Variants in SYT9 observed in about 807,000 individuals in gnomAD.
SYT9 encodes synaptotagmin-9.
In SYT9, 22 loss-of-function variants were observed where a neutral mutation model predicts 48.4. The ratio of observed to expected loss-of-function variants is 0.45; its 90% confidence interval spans 0.32 to 0.65. The LOEUF (loss-of-function observed/expected upper bound fraction) is 0.65, where lower values mean the gene tolerates loss of function less well. Ranked by LOEUF, SYT9 falls within the 30% of genes least tolerant of loss-of-function variation. SYT9 has a pLI of 0.03. For synonymous variants in SYT9, 265 were observed against 245.0 expected (o/e 1.08, Z -0.76); for missense variants, 577 against 622.0 (o/e 0.93, Z 0.77).
chr11:7,356,990 A>G (rs12800586), intron 3 of SYT9, among the ~76,000 whole-genome samples: 22,881 of 152,160 alleles, frequency 0.15, 1,908 homozygotes, highest in South Asian at 0.23. Context: ...AAAAAATACA[A>G]GATACTCAAG....
At chr11:7,354,839 A>G (rs896181420) in intron 3 of SYT9, among the ~76,000 whole-genome samples, 1 of 152,082 alleles carries the variant, frequency 6.6e-6, no homozygotes, top group Non-Finnish European at 1.5e-5. Context: ...TCCCAAGCAC[A>G]GTGATATTGC....
At chr11:7,285,284 A>T (rs547214344) in intron 1 of SYT9, among the ~76,000 whole-genome samples, 7 of 152,358 alleles carry the variant, frequency 4.6e-5, no homozygotes, top group African/African-American at 1.7e-4. Context: ...CAGGAAACTT[A>T]CAATCATGGC....
At chr11:7,442,325 T>C (rs12293035) in intron 6 of SYT9, among the ~76,000 whole-genome samples, 3,042 of 152,214 alleles carry the variant, frequency 0.02, 95 homozygotes, top group African/African-American at 0.069. Flanking sequence ...GTGGCCTGCT[T>C]TTGGCTCTCT....
At chr11:7,364,543 T>C (rs1277799058) in intron 3 of SYT9, among the ~76,000 whole-genome samples, 5 of 152,234 alleles carry the variant, frequency 3.3e-5, no homozygotes, top group Non-Finnish European at 5.9e-5. Flanking sequence ...GCCATGCAGA[T>C]GGCAGAGCTG....
intron 5 of SYT9, among the ~76,000 whole-genome samples, chr11:7,418,402 C>G (rs954535655): frequency 1.3e-5 from 2 of 152,188 alleles, no homozygotes; most frequent in African/African-American, 4.8e-5. Context: ...CACCTCTTCC[C>G]CTTTTCATCT....
intron 3 of SYT9, among the ~76,000 whole-genome samples, chr11:7,338,127 A>G (rs894109883): frequency 6.6e-6 from 1 of 152,106 alleles, no homozygotes; most frequent in Non-Finnish European, 1.5e-5. Flanking sequence ...TATCTCTTCT[A>G]GGTTTTTAAA....
chr11:7,415,245 T>C (rs531949270), intron 3 of SYT9, among the ~76,000 whole-genome samples: 6 of 152,202 alleles, frequency 3.9e-5, no homozygotes, highest in Admixed American at 2.6e-4. Flanking sequence ...ACTAGGCGAG[T>C]ACTTGGCTGT....
At chr11:7,452,577 T>C (rs1312111475) in intron 6 of SYT9, among the ~76,000 whole-genome samples, 1 of 152,228 alleles carries the variant, frequency 6.6e-6, no homozygotes, top group Non-Finnish European at 1.5e-5. Flanking sequence ...TTAGGACAGC[T>C]CTGAACGTCC....
chr11:7,390,875 A>G (rs570257148), intron 3 of SYT9, among the ~76,000 whole-genome samples: 19 of 152,080 alleles, frequency 1.2e-4, no homozygotes, highest in African/African-American at 4.6e-4. Context: ...GTTTGTTACG[A>G]GGGTGTGTTG....
chr11:7,421,655 C>T (rs1426045770), intron 6 of SYT9, among the ~76,000 whole-genome samples: 1 of 151,900 alleles, frequency 6.6e-6, no homozygotes, highest in Non-Finnish European at 1.5e-5. Context: ...CTCATTGATT[C>T]ACTCTCTTAT....
chr11:7,440,830 A>C (rs1341531054), intron 6 of SYT9: 3 of 152,246 alleles, frequency 2.0e-5, no homozygotes, highest in Non-Finnish European at 4.4e-5. Flanking sequence ...TATGTTGCTT[A>C]GCGACTGATC....
At chr11:7,258,921 A>T (rs1242247411) in intron 1 of SYT9, among the ~76,000 whole-genome samples, 1 of 152,102 alleles carries the variant, frequency 6.6e-6, no homozygotes, top group Non-Finnish European at 1.5e-5. Flanking sequence ...GTGTTCCTGG[A>T]CAAGTTATTT....
At chr11:7,253,888 A>G (rs1847917801) in intron 1 of SYT9, among the ~76,000 whole-genome samples, 3 of 152,212 alleles carry the variant, frequency 2.0e-5, no homozygotes, top group Admixed American at 2.0e-4. Context: ...TGCCCAAAGC[A>G]AGTATTAGTA....
rs188954568 is a variant in SYT9 at position 7,468,496 on chromosome 11, C to T, written c.*1696C>T. 5.1e-6 allele frequency: 2 copies of T among 394,382 alleles called. No homozygotes were observed. Among genetic ancestry groups the T allele is most frequent in the Non-Finnish European group, 8.9e-6 (2 of 223,728 alleles). The allele number at this position is 394,382 out of a possible 1,614,324, so 24.4% of individuals were successfully genotyped here. A position where few individuals can be genotyped will look rare whatever the true frequency, so the allele number is the denominator to read the frequency against. On this transcript the variant is annotated 3_prime_UTR_variant, in exon 7 of 7. Coordinates refer to ENST00000318881, the MANE Select transcript of SYT9 (RefSeq NM_175733.4). ...GGCTTCCTCTGCTCAAGGTTCCCCTCTGCTCATCCCTCCTCATTCAGACAT... is the reference window on the plus strand; with the variant it reads ...GGCTTCCTCTGCTCAAGGTTCCCCTTTGCTCATCCCTCCTCATTCAGACAT...
chr11:7,403,293 C>G (rs969965825), intron 3 of SYT9, among the ~76,000 whole-genome samples: 1 of 152,178 alleles, frequency 6.6e-6, no homozygotes, highest in Non-Finnish European at 1.5e-5. Context: ...GGCACAGTGG[C>G]TCATGCCTGT....
rs893284406 is a variant in SYT9 at position 7,467,002 on chromosome 11, A to C, written c.*202A>C. On this transcript the variant is annotated 3_prime_UTR_variant, in exon 7 of 7. Transcript: ENST00000318881. ...CCAGCCACCTTCTGCAGGTGGCCCA[A>C]GGTGATGTGCTGCAGGGAAGCATGT... is the stretch of plus-strand genomic sequence containing the variant. The C allele has an allele frequency of 1.6e-6, 1 of 613,610 alleles. No individual in the cohort carries two copies. Among genetic ancestry groups the C allele is most frequent in the African/African-American group, 1.9e-5 (1 of 53,794 alleles). The allele number at this position is 613,610 out of a possible 1,614,324, so 38.0% of individuals were successfully genotyped here.
chr11:7,388,023 A>G (rs888105774), intron 3 of SYT9, among the ~76,000 whole-genome samples: 1 of 152,120 alleles, frequency 6.6e-6, no homozygotes, highest in African/African-American at 2.4e-5. Flanking sequence ...AAAAACTATG[A>G]ATTGGGGAAT....
intron 1 of SYT9, among the ~76,000 whole-genome samples, chr11:7,265,114 TAGAG>T (rs1240472756): frequency 1.3e-5 from 2 of 152,166 alleles, no homozygotes; most frequent in Non-Finnish European, 2.9e-5. Context: ...TGATATGAAA[TAGAG>T]AGAGATCCTG....
intron 3 of SYT9, among the ~76,000 whole-genome samples, chr11:7,314,588 A>G (rs1295289527): frequency 6.6e-6 from 1 of 152,244 alleles, no homozygotes; most frequent in African/African-American, 2.4e-5. Context: ...TAGTGGTACC[A>G]TACGTCTATG....
Sources: allele counts gnomAD v4.1 joint callset (sites outside exome capture counted in the v4.1 genomes callset), GRCh38; gene constraint gnomAD v4.1.1; transcripts MANE v1.5; gene names NCBI Gene and HGNC (gene_info 2026-07-23, HGNC 2026-07-21).